The following GALNT13 variants were observed in gnomAD, a reference collection of about 807,000 sequenced individuals.
The protein encoded by GALNT13 is UDP-GalNAc:polypeptide N-acetylgalactosaminyltransferase 13.
Under a neutral mutation model 64.2 loss-of-function variants are expected in GALNT13, and 28 were observed. The observed-to-expected ratio is 0.44, with a 90% confidence interval of 0.32 to 0.60. The LOEUF (loss-of-function observed/expected upper bound fraction) is 0.60. Among genes scored for constraint, GALNT13 ranks in the 20% least tolerant of loss-of-function variants. The probability of loss-of-function intolerance (pLI) is 0.05; values close to 1 mark genes in which losing one functional copy is unlikely to be tolerated. For missense variants in GALNT13, 577 were observed against 669.8 expected, an observed-to-expected ratio of 0.86 and a Z score of 1.53; for synonymous variants, 214 against 224.6, an observed-to-expected ratio of 0.95 and a Z score of 0.42.
intron 2 of GALNT13, among the ~76,000 whole-genome samples, chr2:153,904,563 A>T (rs894833240): frequency 6.6e-6 from 1 of 151,902 alleles, no homozygotes; most frequent in Non-Finnish European, 1.5e-5. Flanking sequence ...TAATATGATT[A>T]TGTCATGTAG....
intron 9 of GALNT13, among the ~76,000 whole-genome samples, chr2:154,349,391 GA>G (rs560968349): frequency 1.1e-3 from 160 of 152,238 alleles, no homozygotes; most frequent in Middle Eastern, 0.01. Flanking sequence ...TTAAATGAAA[GA>G]AACTAATTTC....
At chr2:154,416,084 G>T (rs1302620246) in intron 11 of GALNT13, among the ~76,000 whole-genome samples, 1 of 152,104 alleles carries the variant, frequency 6.6e-6, no homozygotes, top group Admixed American at 6.6e-5. Context: ...TATCATTAAT[G>T]CTTGACTGGG....
intron 3 of GALNT13, among the ~76,000 whole-genome samples, chr2:154,133,563 T>TATAC: frequency 2.0e-5 from 1 of 50,604 alleles, no homozygotes; most frequent in African/African-American, 5.3e-5. Flanking sequence ...TATATATATA[T>TATAC]ATATATATAT....
At chr2:154,134,924 T>C (rs1393658491) in intron 3 of GALNT13, among the ~76,000 whole-genome samples, 1 of 152,188 alleles carries the variant, frequency 6.6e-6, no homozygotes, top group Non-Finnish European at 1.5e-5. Context: ...AGGTGGAGGT[T>C]GCAGTGAGCT....
chr2:153,718,067 T>A, the GALNT13 span, among the ~76,000 whole-genome samples: 1 of 152,194 alleles, frequency 6.6e-6, no homozygotes, highest in African/African-American at 2.4e-5. Flanking sequence ...CTTCTTTTAA[T>A]TTAACGATGT....
the GALNT13 span, among the ~76,000 whole-genome samples, chr2:153,274,443 T>C: frequency 6.6e-6 from 1 of 151,952 alleles, no homozygotes; most frequent in Non-Finnish European, 1.5e-5. Flanking sequence ...TGGAACAGAG[T>C]GAGTAACTAC....
the GALNT13 span, among the ~76,000 whole-genome samples, chr2:153,756,823 A>C: frequency 6.6e-6 from 1 of 151,964 alleles, no homozygotes; most frequent in Non-Finnish European, 1.5e-5. Flanking sequence ...CAAAATGTAA[A>C]CTATCTGCTC....
the GALNT13 span, among the ~76,000 whole-genome samples, chr2:153,091,696 T>C: frequency 6.6e-6 from 1 of 152,194 alleles, no homozygotes; most frequent in African/African-American, 2.4e-5. Context: ...TTTTTTCTTA[T>C]TGGGTTGTTT....
At chr2:153,079,126 TAC>T in the GALNT13 span, among the ~76,000 whole-genome samples, 13 of 152,150 alleles carry the variant, frequency 8.5e-5, no homozygotes, top group Non-Finnish European at 1.2e-4. Context: ...ATGTTTGTCA[TAC>T]TCATAGATCC....
At chr2:153,395,642 C>T in the GALNT13 span, among the ~76,000 whole-genome samples, 6 of 152,180 alleles carry the variant, frequency 3.9e-5, no homozygotes, top group East Asian at 9.7e-4. Flanking sequence ...ATGAATGTTT[C>T]TGGGCATATG....
At position 153,906,717 on chromosome 2, in the gene GALNT13, T is replaced by A. The variant is rs879579632; in HGVS notation, c.-105+5710T>A. Reference sequence around the variant, plus strand: ...GCTGCAATAAACATACGTGTGCATGTGTCTTTATAGCAGCATGATTTATAA... The same window carrying A: ...GCTGCAATAAACATACGTGTGCATGAGTCTTTATAGCAGCATGATTTATAA... On this transcript the variant is annotated intron_variant, in intron 2 of 12. Transcript: ENST00000392825. Among the ~76,000 whole-genome samples the A allele has an allele frequency of 4.4e-3, 670 of 152,008 alleles. 1 individual carries two copies. Among genetic ancestry groups the A allele is most frequent in the African/African-American group, 0.015 (637 of 41,442 alleles).
chr2:153,384,418 C>T, the GALNT13 span, among the ~76,000 whole-genome samples: 2 of 151,968 alleles, frequency 1.3e-5, no homozygotes, highest in African/African-American at 2.4e-5. Context: ...AGTGACTCTT[C>T]GATTAAGTCA....
chr2:154,072,852 A>G (rs1262604414), intron 3 of GALNT13, among the ~76,000 whole-genome samples: 1 of 152,040 alleles, frequency 6.6e-6, no homozygotes, highest in African/African-American at 2.4e-5. Context: ...AATTTCTTCT[A>G]AAAGAATAAA....
chr2:154,373,220 T>C (rs756973428), intron 9 of GALNT13, among the ~76,000 whole-genome samples: 8 of 152,130 alleles, frequency 5.3e-5, no homozygotes, highest in Non-Finnish European at 7.4e-5. Context: ...TCTGGTACAG[T>C]GTGAGGAAAC....
At chr2:153,535,042 G>C in the GALNT13 span, among the ~76,000 whole-genome samples, 2 of 152,046 alleles carry the variant, frequency 1.3e-5, no homozygotes, top group Non-Finnish European at 2.9e-5. Context: ...GGTATGGAGA[G>C]AGAATGGGCG....
At chr2:153,501,494 G>T in the GALNT13 span, among the ~76,000 whole-genome samples, 1 of 152,008 alleles carries the variant, frequency 6.6e-6, no homozygotes, top group Non-Finnish European at 1.5e-5. Flanking sequence ...ACCATGCCCG[G>T]TTAATTTTTG....
the GALNT13 span, among the ~76,000 whole-genome samples, chr2:153,202,797 T>C: frequency 1.3e-5 from 2 of 152,218 alleles, no homozygotes; most frequent in Non-Finnish European, 2.9e-5. Flanking sequence ...TTAAAAAACA[T>C]ATATTTGTTA....
the GALNT13 span, among the ~76,000 whole-genome samples, chr2:153,538,326 C>CT: frequency 3.4e-3 from 345 of 100,816 alleles, 1 homozygote; most frequent in East Asian, 0.017. Flanking sequence ...TTTTTTAATT[C>CT]TTTTTTTTTT....
chr2:154,098,483 G>A (rs1284860571), intron 3 of GALNT13, among the ~76,000 whole-genome samples: 1 of 151,928 alleles, frequency 6.6e-6, no homozygotes, highest in Non-Finnish European at 1.5e-5. Flanking sequence ...GGGGGTACAT[G>A]TGCATGTTTA....
Sources: allele counts gnomAD v4.1 joint callset (sites outside exome capture counted in the v4.1 genomes callset), GRCh38; gene constraint gnomAD v4.1.1; transcripts MANE v1.5; gene names NCBI Gene and HGNC (gene_info 2026-07-23, HGNC 2026-07-21).